TTC16: variants seen among roughly 807,000 people sequenced by gnomAD.
TTC16 encodes tetratricopeptide repeat domain 16, also known as tetratricopeptide repeat protein 16.
Under a neutral mutation model 80.4 loss-of-function variants are expected in TTC16, and 66 were observed. The ratio of observed to expected loss-of-function variants is 0.82; its 90% confidence interval spans 0.67 to 1.01. The LOEUF (loss-of-function observed/expected upper bound fraction) is 1.01. Among genes scored for constraint, TTC16 ranks in the 50% least tolerant of loss-of-function variants. The pLI is 0.00. For synonymous variants in TTC16, 438 were observed against 451.3 expected, an observed-to-expected ratio of 0.97 and a Z score of 0.37; for missense variants, 1,070 against 1,103.2, an observed-to-expected ratio of 0.97 and a Z score of 0.43.
At chr9:127,721,505 C>T (rs953380498) in intron 6 of TTC16, among the ~76,000 whole-genome samples, 1 of 13,422 alleles carries the variant, frequency 7.5e-5, no homozygotes, top group Admixed American at 1.4e-3. Context: ...AGCAGGTGGG[C>T]GGGGTGGGGC....
At chr9:127,724,449 T>A in intron 8 of TTC16, 85 bp downstream of exon 8, 1 of 1,523,846 alleles carries the variant, frequency 6.6e-7, no homozygotes, top group Non-Finnish European at 8.9e-7. Flanking sequence ...TTGAGGCCCC[T>A]GGGGGGAAGG....
intron 7 of TTC16, 74 bp downstream of exon 7, chr9:127,723,407 G>T: frequency 6.9e-7 from 1 of 1,440,914 alleles, no homozygotes; most frequent in South Asian, 1.2e-5. Context: ...TTTAAGGAGA[G>T]TCCCTGACCC....
intron 6 of TTC16, among the ~76,000 whole-genome samples, chr9:127,721,897 G>A (rs188927992): frequency 6.2e-4 from 95 of 152,206 alleles, no homozygotes; most frequent in African/African-American, 2.2e-3. Flanking sequence ...GTTTCGCCAG[G>A]TGATACCCCC....
chr9:127,731,528 G>A lies in TTC16; in HGVS notation c.*123G>A. The A allele has an allele frequency of 6.8e-7, 1 of 1,471,558 alleles. No individual in the cohort carries two copies. Among genetic ancestry groups the A allele is most frequent in the Non-Finnish European group, 9.0e-7 (1 of 1,114,768 alleles). 91.2% of individuals were successfully genotyped at this position (1,471,558 alleles called of 1,614,324 possible). A position where few individuals can be genotyped will look rare whatever the true frequency, so the allele number is the denominator to read the frequency against. On this transcript the variant is annotated 3_prime_UTR_variant, in exon 14 of 14. Transcript: ENST00000373289. ...TAAAAGTCTTAGCAACAGTCCTCTG[G>A]TCCCACAGCTGAGTTTATTATACTT...
In TTC16 at chr9:127,724,882, G is replaced by A; in HGVS notation, c.1244G>A (p.Cys415Tyr). 6.4e-7 allele frequency: 1 copy of A among 1,551,080 alleles called. No homozygotes were observed. The change falls in exon 9 of 14, where the codon TGC (cysteine) becomes TAC (tyrosine). Residue 415 changes from cysteine (C) to tyrosine (Y), a missense_variant. Cys to Tyr is a radical substitution (Grantham distance 194). Transcript: ENST00000373289. ...CTGCTGCAGGAGAAGATGGGCTTCT[G>A]CGAGCAGAGGCGCAAGTGCGTGGGC... ...MGLLQEKMGF[C>Y]EQRRKQFQKA...
In TTC16 at chr9:127,724,781, G is replaced by A; in HGVS notation, c.1143G>A (p.Leu381=). 1 of 1,610,684 alleles carries A rather than the reference G, an allele frequency of 6.2e-7. No homozygotes were observed. ...RGDCFFQLGN[L]AFAEADYQQA... ...ATTGCTTCTTCCAGCTGGGCAACCT[G>A]GCCTTTGCCGAGGCGGACTACCAGC... Residue 381 remains leucine (L), a synonymous_variant, in exon 9 of 14, where the codon CTG becomes CTA. Coordinates refer to ENST00000373289, the MANE Select transcript of TTC16 (RefSeq NM_144965.3).
At chr9:127,720,758 ACCAGGGCAC>A (rs961644897) in intron 6 of TTC16, among the ~76,000 whole-genome samples, 4 of 142,352 alleles carry the variant, frequency 2.8e-5, no homozygotes, top group African/African-American at 5.3e-5. Context: ...GAAGCCACAC[ACCAGGGCAC>A]CCAGGGCACC....
In TTC16 at chr9:127,731,197, CTG is replaced by C. The variant is rs771824592; in HGVS notation, c.2415_2416del (p.Glu806GlyfsTer4). Reference sequence around the variant, plus strand: ...GGACTGCTCCGAAGTTCCACCAAGACTGAGGCTTTCTATGACTCAAACTGGAG... The same window carrying C: ...GGACTGCTCCGAAGTTCCACCAAGACAGGCTTTCTATGACTCAAACTGGAG... On this transcript the variant is annotated frameshift_variant, in exon 14 of 14. Transcript: ENST00000373289. LOFTEE classifies it low-confidence loss of function (END_TRUNC). 6.2e-7 allele frequency: 1 copy of C among 1,612,914 alleles called. No homozygotes were observed. The highest frequency in any genetic ancestry group is 8.5e-7 in the Non-Finnish European group (1 of 1,179,886).
At position 127,727,674 on chromosome 9, in the gene TTC16, TG is replaced by T. The variant is rs1844092763; in HGVS notation, c.1764+212del. On this transcript the variant is annotated intron_variant, in intron 12 of 13. Coordinates refer to ENST00000373289, the MANE Select transcript of TTC16 (RefSeq NM_144965.3). Reference sequence around the variant, plus strand: ...TCCTGACGGAGGGTGTGTGGGGATGTGGGCCCTCAGAGAGAGGAGTCACAGC... The same window carrying T: ...TCCTGACGGAGGGTGTGTGGGGATGTGGCCCTCAGAGAGAGGAGTCACAGC... The T allele has an allele frequency of 9.3e-6, 10 of 1,074,776 alleles. No homozygotes were observed. In the South Asian group the frequency reaches 2.3e-4, roughly 25 times the overall value. The allele number at this position is 1,074,776 out of a possible 1,614,324, so 66.6% of individuals were successfully genotyped here.
chr9:127,730,447 A>G, intron 13 of TTC16, 189 bp from the exon 14 acceptor site: 1 of 779,840 alleles, frequency 1.3e-6, no homozygotes, highest in Non-Finnish European at 2.0e-6. Flanking sequence ...CATCTCCCCC[A>G]TCTCACAGCC....
chr9:127,726,548 G>T, intron 10 of TTC16, 144 bp downstream of exon 10: 1 of 1,027,682 alleles, frequency 9.7e-7, no homozygotes. Flanking sequence ...AGCACTTTGG[G>T]AGCCCAAGGC....
Position 127,727,386 on chromosome 9 carries a change from C to T in TTC16, c.1685C>T (p.Pro562Leu), listed in dbSNP as rs144396881. The T allele has an allele frequency of 1.1e-5, 17 of 1,611,360 alleles. No individual in the cohort carries two copies. The highest frequency in any genetic ancestry group is 6.6e-5 in the South Asian group (6 of 90,796). Residue 562 changes from proline to leucine, a missense_variant, in exon 12 of 14, where the codon CCG (proline) becomes CTG (leucine). Coordinates refer to ENST00000373289, the MANE Select transcript of TTC16 (RefSeq NM_144965.3). The stretch of plus-strand genomic sequence containing the variant: ...GAGCTGAAGGCCACCCCTGAGATTC[C>T]GCAGGTAAAACCGGGAAGCTCAGAG... ...SEELKATPEI[P>L]QVKPGSSEGE...
At chr9:127,717,888 T>A (rs1588419407) in intron 4 of TTC16, 116 bp downstream of exon 4, 4 of 1,323,460 alleles carry the variant, frequency 3.0e-6, no homozygotes, top group Non-Finnish European at 3.0e-6. Flanking sequence ...TGTGTCTGGG[T>A]CCCCCCCGCT....
In TTC16 at chr9:127,723,320, C is replaced by A; in HGVS notation, c.859C>A (p.Leu287Ile). 3 of 1,612,658 alleles carry A rather than the reference C, an allele frequency of 1.9e-6. No individual in the cohort carries two copies. Among genetic ancestry groups the A allele is most frequent in the Non-Finnish European group, 2.5e-6 (3 of 1,179,780 alleles). Residue 287 changes from leucine to isoleucine, a missense_variant, in exon 7 of 14, where the codon CTC (leucine) becomes ATC (isoleucine). Leu to Ile is a conservative substitution (Grantham distance 5). Coordinates refer to ENST00000373289, the MANE Select transcript of TTC16 (RefSeq NM_144965.3). ...CGAGAACAACCCTCTGGACCCCAGT[C>A]TCTTCCTCTTCCGGTACTGCATGGG... ...AIENNPLDPS[L>I]FLFRGTMYRR...
chr9:127,728,718 C>T (rs1844166065), intron 12 of TTC16: 1 of 152,168 alleles, frequency 6.6e-6, no homozygotes, highest in Non-Finnish European at 1.5e-5. Flanking sequence ...TCTCTTGAGC[C>T]CCAGAGTCAT....
chr9:127,718,748 T>C lies in TTC16; in HGVS notation c.426+976T>C, dbSNP rs1025624043. On this transcript the variant is annotated intron_variant, in intron 4 of 13. Coordinates refer to ENST00000373289, the MANE Select transcript of TTC16 (RefSeq NM_144965.3). This position sits in a 1 kb window ranked among gnomAD's most constrained non-coding sequence, Gnocchi z 4.6. ...CTAGGATTACAGATGTGCATCAACA[T>C]GCCTGGCTAATTTTTGTACTTTTAA... Among the ~76,000 whole-genome samples the C allele has an allele frequency of 2.0e-5, 3 of 152,126 alleles. No individual in the cohort carries two copies. The South Asian group carries it at 6.2e-4, about 32-fold the overall frequency.
In TTC16 at chr9:127,722,782, C is replaced by A. The variant is rs760879813; in HGVS notation, c.658-337C>A. ...ACCAGCCTGGCCAACATAGTAAAAC[C>A]CCATCTCTACTAAAAAATAATACAA... is the stretch of plus-strand genomic sequence containing the variant. On this transcript the variant is annotated intron_variant, in intron 6 of 13. Coordinates refer to ENST00000373289, the MANE Select transcript of TTC16 (RefSeq NM_144965.3). This position sits in a 1 kb window ranked among gnomAD's most constrained non-coding sequence, Gnocchi z 4.2. Among the ~76,000 whole-genome samples, 2 of 151,956 alleles carry A rather than the reference C, an allele frequency of 1.3e-5. No individual in the cohort carries two copies. The highest frequency in any genetic ancestry group is 3.9e-4 in the East Asian group (2 of 5,186).
intron 13 of TTC16, 140 bp from the exon 14 acceptor site, chr9:127,730,496 G>T (rs1243946245): frequency 3.1e-5 from 40 of 1,303,638 alleles, no homozygotes; most frequent in Middle Eastern, 2.7e-4. Context: ...GCTGGGCGGG[G>T]GTGATCTGCA....
At position 127,731,014 on chromosome 9, in the gene TTC16, AG is replaced by A. The variant is rs747866456; in HGVS notation, c.2232del (p.Ser745AlafsTer97). ...SKTEATQGQR[Q>X]SSSEIEATQG... is the part of the protein sequence containing the mutation. ...ACTGAGGCCACTCAGGGCCAGAGGC[AG>A]AGCTCCAGCGAGATTGAGGCCACCC... On this transcript the variant is annotated frameshift_variant, in exon 14 of 14. Coordinates refer to ENST00000373289, the MANE Select transcript of TTC16 (RefSeq NM_144965.3). LOFTEE classifies it low-confidence loss of function (END_TRUNC). The A allele has an allele frequency of 1.2e-6, 2 of 1,613,126 alleles. No individual in the cohort carries two copies. Among genetic ancestry groups the A allele is most frequent in the Non-Finnish European group, 1.7e-6 (2 of 1,179,964 alleles).
Sources: gnomAD v4.1 joint callset for allele counts (sites outside exome capture counted in the v4.1 genomes callset) on GRCh38, gnomAD v4.1.1 for gene constraint, Gnocchi (gnomAD v3.1) non-coding constraint, MANE v1.5 for transcripts, NCBI Gene and HGNC (gene_info 2026-07-23, HGNC 2026-07-21) for gene names.